RIC8B: variants seen among roughly 807,000 people sequenced by gnomAD.
The protein encoded by RIC8B is RIC8 guanine nucleotide exchange factor B.
A neutral mutation model predicts 57.5 loss-of-function variants in RIC8B; 16 were observed. The ratio of observed to expected loss-of-function variants is 0.28; its 90% confidence interval spans 0.19 to 0.42. The LOEUF (loss-of-function observed/expected upper bound fraction) is 0.42. Ranked by LOEUF, RIC8B falls within the 10% of genes least tolerant of loss-of-function variation. The pLI, the probability that RIC8B is intolerant of heterozygous loss-of-function variation, is 1.00. For missense variants in RIC8B, 481 were observed against 677.0 expected (o/e 0.71, Z 3.21); for synonymous variants, 216 against 250.8 (o/e 0.86, Z 1.31).
chr12:106,811,771 A>C (rs1343844707), intron 2 of RIC8B, among the ~76,000 whole-genome samples: 1 of 152,196 alleles, frequency 6.6e-6, no homozygotes, highest in African/African-American at 2.4e-5. Context: ...GGCAGCAGGA[A>C]GGTATGAAAG....
rs1542149 is a variant in RIC8B at position 106,827,511 on chromosome 12, A to G, written c.836+1691A>G. Among the ~76,000 whole-genome samples, 1,171 of 152,326 alleles carry G rather than the reference A, an allele frequency of 7.7e-3. 13 individuals carry two copies. The highest frequency in any genetic ancestry group is 0.021 in the African/African-American group (879 of 41,576). ...GTTATTTTTCAATTAAATCCATATT[A>G]TTTTAGTTATGATCAGCAACTTATT... On this transcript the variant is annotated intron_variant, in intron 4 of 9. Coordinates refer to ENST00000392837, the MANE Select transcript of RIC8B (RefSeq NM_001330145.2).
At chr12:106,872,565 G>A (rs1427804106) in intron 9 of RIC8B, among the ~76,000 whole-genome samples, 1 of 151,994 alleles carries the variant, frequency 6.6e-6, no homozygotes, top group African/African-American at 2.4e-5. Flanking sequence ...CTACTCAGGA[G>A]GCTGAGGCAG....
intron 2 of RIC8B, among the ~76,000 whole-genome samples, chr12:106,808,210 G>A (rs1383590053): frequency 2.0e-5 from 3 of 152,022 alleles, no homozygotes; most frequent in African/African-American, 7.3e-5. Flanking sequence ...ATTATAAGTA[G>A]TCTAGAGGTG....
intron 2 of RIC8B, among the ~76,000 whole-genome samples, chr12:106,805,971 T>C (rs1457284823): frequency 2.0e-5 from 3 of 152,168 alleles, no homozygotes; most frequent in African/African-American, 7.2e-5. Context: ...CTTTTTGAGA[T>C]GGAGTTTTGC....
chr12:106,857,207 A>C (rs1263266590), intron 7 of RIC8B, among the ~76,000 whole-genome samples: 2 of 152,180 alleles, frequency 1.3e-5, no homozygotes, highest in Non-Finnish European at 1.5e-5. Flanking sequence ...TGTGTGGAAT[A>C]AGAAATGGAG....
At chr12:106,789,476 A>G (rs1281440075) in intron 2 of RIC8B, among the ~76,000 whole-genome samples, 2 of 152,218 alleles carry the variant, frequency 1.3e-5, no homozygotes, top group African/African-American at 2.4e-5. Context: ...GAGACTGGGA[A>G]GAAAAAGCAG....
At chr12:106,846,718 A>G (rs1159457534) in intron 6 of RIC8B, among the ~76,000 whole-genome samples, 1 of 128,040 alleles carries the variant, frequency 7.8e-6, no homozygotes, top group African/African-American at 3.0e-5. Context: ...TCTAAACAGA[A>G]CAGCCAAAAA....
chr12:106,808,870 TTAAGA>T (rs1197595198), intron 2 of RIC8B, among the ~76,000 whole-genome samples: 1 of 152,214 alleles, frequency 6.6e-6, no homozygotes, highest in Non-Finnish European at 1.5e-5. Flanking sequence ...AAATCACCTC[TTAAGA>T]TAGTATATAA....
At chr12:106,830,514 A>G (rs181981891) in intron 4 of RIC8B, among the ~76,000 whole-genome samples, 2 of 152,350 alleles carry the variant, frequency 1.3e-5, no homozygotes, top group East Asian at 1.9e-4. Flanking sequence ...ATAAGCTTAT[A>G]TAGTTGTACA....
chr12:106,878,101 C>G (rs1194643467), intron 9 of RIC8B, among the ~76,000 whole-genome samples: 1 of 152,070 alleles, frequency 6.6e-6, no homozygotes, highest in Admixed American at 6.6e-5. Context: ...TCTCAGAATC[C>G]TTTCAAAGAT....
chr12:106,815,080 C>G lies in RIC8B; in HGVS notation c.517C>G (p.Leu173Val). The G allele has an allele frequency of 6.2e-7, 1 of 1,614,246 alleles. No homozygotes were observed. The highest frequency in any genetic ancestry group is 8.5e-7 in the Non-Finnish European group (1 of 1,180,042). Reference sequence around the variant, plus strand: ...CTTGCGCTTGCTCTTCCTTCTGTCACTTTTGCACACCGACATCAGGTCACA... The same window carrying G: ...CTTGCGCTTGCTCTTCCTTCTGTCAGTTTTGCACACCGACATCAGGTCACA... Reference protein sequence around the residue: ...FDLRLLFLLSLLHTDIRSQLR... With the variant: ...FDLRLLFLLSVLHTDIRSQLR... Residue 173 changes from leucine to valine, a missense_variant, in exon 3 of 10, where the codon CTT becomes GTT. Leu to Val is a conservative substitution (Grantham distance 32, BLOSUM62 1). Transcript: ENST00000392837.
chr12:106,797,362 G>A (rs2044530479), intron 2 of RIC8B, among the ~76,000 whole-genome samples: 2 of 152,182 alleles, frequency 1.3e-5, no homozygotes, highest in South Asian at 4.1e-4. Flanking sequence ...GATGAACCTT[G>A]AAAACATTAT....
intron 4 of RIC8B, among the ~76,000 whole-genome samples, chr12:106,835,178 A>T (rs533231075): frequency 2.0e-4 from 31 of 152,122 alleles, no homozygotes; most frequent in Non-Finnish European, 4.0e-4. Context: ...CTCTGCCAGC[A>T]CAACTCTGGT....
Position 106,879,835 on chromosome 12 carries a change from G to A in RIC8B, c.1572-6069G>A, listed in dbSNP as rs1225988325. ...AGATGCCTGATCAGATGAGAAGCCCGCCATGATACTGTCACAGTGCCTAGA... is the reference window on the plus strand; with the variant it reads ...AGATGCCTGATCAGATGAGAAGCCCACCATGATACTGTCACAGTGCCTAGA... On this transcript the variant is annotated intron_variant, in intron 9 of 9. Transcript: ENST00000392837. The surrounding 1 kb of genome is among the most constrained non-coding windows in gnomAD (Gnocchi z 4.9). 1.0e-6 allele frequency: 1 copy of A among 985,272 alleles called. No homozygotes were observed. The highest frequency in any genetic ancestry group is 1.2e-6 in the Non-Finnish European group (1 of 829,924). 61.0% of individuals were successfully genotyped at this position (985,272 alleles called of 1,614,324 possible). A position where few individuals can be genotyped will look rare whatever the true frequency, so the allele number is the denominator to read the frequency against.
At chr12:106,832,756 G>T (rs1322088460) in intron 4 of RIC8B, among the ~76,000 whole-genome samples, 1 of 152,106 alleles carries the variant, frequency 6.6e-6, no homozygotes, top group African/African-American at 2.4e-5. Flanking sequence ...AAGCAGGATC[G>T]TTCTTAAACC....
Position 106,886,729 on chromosome 12 carries a change from G to A in RIC8B, c.*714G>A, listed in dbSNP as rs1376967632. The A allele has an allele frequency of 6.6e-6, 1 of 152,594 alleles. No individual in the cohort carries two copies. Among genetic ancestry groups the A allele is most frequent in the Admixed American group, 6.5e-5 (1 of 15,278 alleles). 9.5% of individuals were successfully genotyped at this position (152,594 alleles called of 1,614,324 possible). The stretch of plus-strand genomic sequence containing the variant: ...ACCTGAACACTAGTACCATAGAACT[G>A]AACCACCATCTGTATCAGCGCATGG... On this transcript the variant is annotated 3_prime_UTR_variant, in exon 10 of 10. Transcript: ENST00000392837.
At chr12:106,813,641 T>C (rs1395573828) in intron 2 of RIC8B, among the ~76,000 whole-genome samples, 1 of 152,198 alleles carries the variant, frequency 6.6e-6, no homozygotes, top group Non-Finnish European at 1.5e-5. Flanking sequence ...AGCCTAGGTT[T>C]CCTGACAAGA....
chr12:106,778,902 A>G (rs1440735392), intron 1 of RIC8B, among the ~76,000 whole-genome samples: 1 of 152,176 alleles, frequency 6.6e-6, no homozygotes. Context: ...GTATTTGCAT[A>G]TAATCTGGGC....
chr12:106,873,138 A>G (rs1950518957), intron 9 of RIC8B: 4 of 985,434 alleles, frequency 4.1e-6, no homozygotes, highest in Non-Finnish European at 4.8e-6. Context: ...GAAGATGCCT[A>G]CTTATCCGGA....
Sources: gnomAD v4.1 joint callset for allele counts (sites outside exome capture counted in the v4.1 genomes callset) on GRCh38, gnomAD v4.1.1 for gene constraint, Gnocchi (gnomAD v3.1) non-coding constraint, MANE v1.5 for transcripts, NCBI Gene and HGNC (gene_info 2026-07-23, HGNC 2026-07-21) for gene names.